TAF4: variants seen among roughly 807,000 people sequenced by gnomAD.
The protein encoded by TAF4 is TATA-box binding protein associated factor 4.
In TAF4, 9 loss-of-function variants were observed where a neutral mutation model predicts 90.3. The ratio of observed to expected loss-of-function variants is 0.10; its 90% CI spans 0.06 to 0.17. The LOEUF is 0.17. Ranked by LOEUF, TAF4 falls within the 10% of genes least tolerant of loss-of-function variation. The pLI, the probability that TAF4 is intolerant of heterozygous loss-of-function variation, is 1.00. For synonymous variants in TAF4, 818 were observed against 638.9 expected (o/e 1.28, Z -4.23); for missense variants, 1,351 against 1,370.7 (o/e 0.99, Z 0.23).
At chr20:62,014,773 T>C (rs2123151409) in intron 1 of TAF4, 66 bp from the exon 2 acceptor site, 2 of 1,566,906 alleles carry the variant, frequency 1.3e-6, no homozygotes, top group African/African-American at 1.4e-5. Flanking sequence ...GGCCCTGGCC[T>C]GACCCAGGGG....
At chr20:62,061,185 G>T (rs1202204076) in intron 1 of TAF4, among the ~76,000 whole-genome samples, 1 of 152,168 alleles carries the variant, frequency 6.6e-6, no homozygotes, top group Non-Finnish European at 1.5e-5. Context: ...GCAACCTCAG[G>T]GGTGGCCGTC....
At position 62,003,201 on chromosome 20, in the gene TAF4, T is replaced by C; in HGVS notation, c.2445A>G (p.Ala815=). 1 of 1,614,228 alleles carries C rather than the reference T, an allele frequency of 6.2e-7. No individual in the cohort carries two copies. Residue 815 remains alanine (A), a synonymous_variant, in exon 9 of 15, where the codon GCA becomes GCG. Transcript: ENST00000252996. The part of the protein sequence containing the change: ...LSAVSAQAAA[A]QKNKLKEPGG... ...CAGGCTCCTTGAGTTTATTTTTCTG[T>C]GCAGCAGCTGCTTGTGCCGAGACAG...
intron 7 of TAF4, 35 bp from the exon 8 acceptor site, chr20:62,003,913 T>G: frequency 6.6e-7 from 1 of 1,513,748 alleles, no homozygotes; most frequent in South Asian, 1.3e-5. Context: ...GTGAGCATGC[T>G]CCCCGAGGGC....
At chr20:62,014,437 C>G in intron 2 of TAF4, 110 bp downstream of exon 2, 2 of 1,368,946 alleles carry the variant, frequency 1.5e-6, no homozygotes, top group South Asian at 1.6e-5. Flanking sequence ...CCACACTTCC[C>G]AGTCCTCACT....
chr20:62,016,243 G>A (rs1276498738), intron 1 of TAF4, among the ~76,000 whole-genome samples: 1 of 152,242 alleles, frequency 6.6e-6, no homozygotes, highest in Admixed American at 6.5e-5. Flanking sequence ...ATACCCCCAT[G>A]TATGTGGTTA....
intron 1 of TAF4, among the ~76,000 whole-genome samples, chr20:62,021,848 GA>G (rs971456178): frequency 1.2e-4 from 18 of 151,142 alleles, no homozygotes; most frequent in African/African-American, 9.7e-5. Context: ...TTTAAAAAAA[GA>G]AAAAAAAAGA....
chr20:62,042,460 C>T (rs553493557), intron 1 of TAF4, among the ~76,000 whole-genome samples: 48 of 152,310 alleles, frequency 3.2e-4, no homozygotes, highest in African/African-American at 1.1e-3. Flanking sequence ...AAAAGGCTGT[C>T]GCCTGACTCT....
chr20:62,041,638 A>G (rs952321118), intron 1 of TAF4, among the ~76,000 whole-genome samples: 2 of 152,000 alleles, frequency 1.3e-5, no homozygotes, highest in African/African-American at 4.8e-5. Context: ...CAAAAAAAAA[A>G]GAAAAAAGAA....
At chr20:62,063,795 A>G (rs921618159) in intron 1 of TAF4, among the ~76,000 whole-genome samples, 13 of 152,370 alleles carry the variant, frequency 8.5e-5, no homozygotes, top group Non-Finnish European at 1.8e-4. Context: ...GGCTCTCAGC[A>G]AGGCTGCGCG....
intron 1 of TAF4, among the ~76,000 whole-genome samples, chr20:62,051,199 G>A (rs1302656332): frequency 6.6e-6 from 1 of 152,198 alleles, no homozygotes; most frequent in African/African-American, 2.4e-5. Flanking sequence ...CAAGTCCCCT[G>A]TGGGACCGGC....
At chr20:62,036,243 T>A (rs2055932055) in intron 1 of TAF4, among the ~76,000 whole-genome samples, 3 of 152,198 alleles carry the variant, frequency 2.0e-5, no homozygotes, top group Admixed American at 2.0e-4. Flanking sequence ...CAGGCTGGTC[T>A]CGAACTCCTG....
intron 1 of TAF4, among the ~76,000 whole-genome samples, chr20:62,028,356 T>C (rs1235465520): frequency 6.6e-6 from 1 of 152,192 alleles, no homozygotes; most frequent in African/African-American, 2.4e-5. Flanking sequence ...GATATTACAG[T>C]TGACCTTTGA....
chr20:62,009,963 G>A (rs1025929938), intron 4 of TAF4, 83 bp downstream of exon 4: 46 of 1,590,130 alleles, frequency 2.9e-5, no homozygotes, highest in East Asian at 6.7e-5. Flanking sequence ...GACAGAAGCC[G>A]GCCTGAGGTC....
intron 1 of TAF4, among the ~76,000 whole-genome samples, chr20:62,048,540 T>C (rs962396727): frequency 1.3e-5 from 2 of 152,054 alleles, no homozygotes; most frequent in African/African-American, 4.8e-5. Context: ...CCCACTGCAC[T>C]TCCAGGGTCC....
intron 1 of TAF4, among the ~76,000 whole-genome samples, 185 bp from the exon 2 acceptor site, chr20:62,014,892 T>C (rs769756361): frequency 7.2e-5 from 11 of 152,068 alleles, no homozygotes; most frequent in African/African-American, 1.7e-4. Context: ...ACAAAAAAAC[T>C]GTAAAGGTTG....
intron 14 of TAF4, among the ~76,000 whole-genome samples, chr20:61,991,531 C>T (rs545711670): frequency 5.3e-5 from 8 of 151,342 alleles, no homozygotes; most frequent in African/African-American, 1.7e-4. Context: ...CCCTGGAGGT[C>T]GAGGCTGCAG....
intron 1 of TAF4, among the ~76,000 whole-genome samples, chr20:62,017,401 G>A (rs1487580339): frequency 6.6e-6 from 1 of 152,078 alleles, no homozygotes; most frequent in Non-Finnish European, 1.5e-5. Flanking sequence ...CACTTTGGGA[G>A]GCCAAGGCGG....
chr20:61,983,229 GC>G (rs1355310922), intron 14 of TAF4, among the ~76,000 whole-genome samples: 1 of 151,610 alleles, frequency 6.6e-6, no homozygotes, highest in Non-Finnish European at 1.5e-5. Context: ...GGAGACCAGG[GC>G]GTCGTCACTA....
chr20:62,029,734 C>T (rs553736681), intron 1 of TAF4, among the ~76,000 whole-genome samples: 28 of 152,216 alleles, frequency 1.8e-4, no homozygotes, highest in African/African-American at 5.3e-4. Flanking sequence ...GACGAAACCC[C>T]GCCTCTACTA....
Sources: allele counts gnomAD v4.1 joint callset (sites outside exome capture counted in the v4.1 genomes callset), GRCh38; gene constraint gnomAD v4.1.1; transcripts MANE v1.5; gene names NCBI Gene and HGNC (gene_info 2026-07-23, HGNC 2026-07-21).